The following FMN1 variants were observed in gnomAD, a reference collection of about 807,000 sequenced individuals.
The protein encoded by FMN1 is formin 1, also known as formin-1.
FMN1 carries 110 observed loss-of-function variants against 132.4 expected under a neutral mutation model. The ratio of observed to expected loss-of-function variants is 0.83; its 90% confidence interval spans 0.71 to 0.97. The LOEUF (loss-of-function observed/expected upper bound fraction) is 0.97. Among genes scored for constraint, FMN1 ranks in the 50% least tolerant of loss-of-function variants. The pLI is 0.00. For synonymous variants in FMN1, 722 were observed against 651.7 expected, an observed-to-expected ratio of 1.11 and a Z score of -1.64; for missense variants, 1,792 against 1,705.3, an observed-to-expected ratio of 1.05 and a Z score of -0.90.
At chr15:33,071,680 G>A (rs147546071) in intron 5 of FMN1, among the ~76,000 whole-genome samples, 115 of 152,206 alleles carry the variant, frequency 7.6e-4, no homozygotes, top group African/African-American at 2.7e-3. Flanking sequence ...CGAGTAACAG[G>A]AGCACGAGTA....
At chr15:32,990,970 G>T (rs936970856) in intron 7 of FMN1, among the ~76,000 whole-genome samples, 2 of 152,054 alleles carry the variant, frequency 1.3e-5, no homozygotes, top group African/African-American at 4.8e-5. Flanking sequence ...ACGGATTATG[G>T]GAACTGCAAT....
chr15:32,989,778 T>C lies in FMN1; in HGVS notation c.2223+18236A>G, dbSNP rs537990979. On this transcript the variant is annotated intron_variant, in intron 7 of 20. Coordinates refer to ENST00000616417, the MANE Select transcript of FMN1 (RefSeq NM_001277313.2). Reference sequence around the variant, plus strand: ...CAGGATGCCAAGCAGTGAGTATATATGAAACCACAGAGCCCAGATTAACAT... The same window carrying C: ...CAGGATGCCAAGCAGTGAGTATATACGAAACCACAGAGCCCAGATTAACAT... Among the ~76,000 whole-genome samples, 41 of 152,258 alleles carry C rather than the reference T, an allele frequency of 2.7e-4. No individual in the cohort carries two copies. The South Asian group carries it at 7.9e-3, about 29-fold the overall frequency.
intron 16 of FMN1, among the ~76,000 whole-genome samples, chr15:32,872,040 C>CTT (rs11311528): frequency 1.4e-5 from 2 of 140,934 alleles, no homozygotes; most frequent in Non-Finnish European, 1.5e-5. Flanking sequence ...GAAAGTAGCT[C>CTT]TTTTTTTTTT....
chr15:32,880,683 G>A (rs2059749666), intron 16 of FMN1, among the ~76,000 whole-genome samples: 1 of 152,124 alleles, frequency 6.6e-6, no homozygotes, highest in African/African-American at 2.4e-5. Context: ...CCTCATATTT[G>A]ACTAATAGTT....
chr15:33,154,488 G>A lies in FMN1; in HGVS notation c.427C>T (p.Leu143Phe). 6.5e-7 allele frequency: 1 copy of A among 1,535,912 alleles called. No individual in the cohort carries two copies. Among genetic ancestry groups the A allele is most frequent in the Non-Finnish European group, 8.7e-7 (1 of 1,146,896 alleles). The change falls in exon 4 of 21, where the codon CTC (leucine) becomes TTC (phenylalanine). Residue 143 changes from leucine (L) to phenylalanine (F), a missense_variant. By Grantham distance (22) the Leu-to-Phe change is conservative (BLOSUM62 0). Coordinates refer to ENST00000616417, the MANE Select transcript of FMN1 (RefSeq NM_001277313.2). The stretch of plus-strand genomic sequence containing the variant: ...CTCTTATTGAGAGGGCCCACGGGGA[G>A]CTCTCCCTGCCAGTCACCAGCACTC... ...FQSAGDWQGE[L>F]PVGPLNKRST...
rs1284908414 is a variant in FMN1, at chr15:33,194,010, GTGATGATGA to G, written c.-307_-299del. 6.6e-6 allele frequency: 1 copy of G among 151,744 alleles called. No individual in the cohort carries two copies. Among genetic ancestry groups the G allele is most frequent in the Non-Finnish European group, 1.5e-5 (1 of 67,986 alleles). 9.4% of individuals were successfully genotyped at this position (151,744 alleles called of 1,614,324 possible). On this transcript the variant is annotated 5_prime_UTR_variant, in exon 2 of 21. Coordinates refer to ENST00000616417, the MANE Select transcript of FMN1 (RefSeq NM_001277313.2). ...CTTGGAGGTGGTGGTAGTGGCAATG[GTGATGATGA>G]TGATGATGAAAGAAGAAGAAAACGG... is the stretch of plus-strand genomic sequence containing the variant.
At chr15:32,914,436 G>A (rs968739475) in intron 10 of FMN1, among the ~76,000 whole-genome samples, 1 of 152,078 alleles carries the variant, frequency 6.6e-6, no homozygotes, top group Non-Finnish European at 1.5e-5. Context: ...GTTCAATTTT[G>A]GTTTGAAGAG....
In FMN1 at chr15:32,971,006, C is replaced by T. The variant is rs567953660; in HGVS notation, c.2224-1529G>A. Among the ~76,000 whole-genome samples, 4 of 152,292 alleles carry T rather than the reference C, an allele frequency of 2.6e-5. No individual in the cohort carries two copies. In the East Asian group the frequency reaches 5.8e-4, roughly 22 times the overall value. On this transcript the variant is annotated intron_variant, in intron 7 of 20. Coordinates refer to ENST00000616417, the MANE Select transcript of FMN1 (RefSeq NM_001277313.2). ...CGTCTATTTCTCGTGCAGTGCAGAGCGCTGAGTGCCGAGTTTGGACTCACA... is the reference window on the plus strand; with the variant it reads ...CGTCTATTTCTCGTGCAGTGCAGAGTGCTGAGTGCCGAGTTTGGACTCACA...
intron 14 of FMN1, 49 bp downstream of exon 14, chr15:32,899,926 TAAAG>T (rs2060254928): frequency 3.2e-6 from 5 of 1,566,174 alleles, no homozygotes; most frequent in Non-Finnish European, 4.4e-6. Flanking sequence ...AAATTAAAGG[TAAAG>T]AAAGAAAATA....
chr15:33,069,681 A>C (rs189984032), intron 5 of FMN1, among the ~76,000 whole-genome samples: 2,846 of 146,010 alleles, frequency 0.019, 59 homozygotes, highest in South Asian at 0.093. Context: ...CGCTCACACA[A>C]ATAAAAACGC....
rs1595880194 is a variant in FMN1 at position 32,772,191 on chromosome 15, G to A, written c.*2119C>T. On this transcript the variant is annotated 3_prime_UTR_variant, in exon 21 of 21. Coordinates refer to ENST00000616417, the MANE Select transcript of FMN1 (RefSeq NM_001277313.2). ...TCTCACTCATTATTCTTCAGCACTG[G>A]TTCCTGAAGGGTTACGTGGCCACAG... is the stretch of plus-strand genomic sequence containing the variant. The A allele has an allele frequency of 6.6e-6, 1 of 152,168 alleles. No individual in the cohort carries two copies. Among genetic ancestry groups the A allele is most frequent in the Admixed American group, 6.6e-5 (1 of 15,264 alleles). 9.4% of individuals were successfully genotyped at this position (152,168 alleles called of 1,614,324 possible).
chr15:33,118,999 T>C (rs955419988), intron 4 of FMN1, among the ~76,000 whole-genome samples: 1 of 152,104 alleles, frequency 6.6e-6, no homozygotes, highest in Non-Finnish European at 1.5e-5. Flanking sequence ...GATGGTATAA[T>C]TTAAAAAATT....
chr15:32,985,368 C>CT (rs2140809576), intron 7 of FMN1, among the ~76,000 whole-genome samples: 1 of 152,230 alleles, frequency 6.6e-6, no homozygotes, highest in Non-Finnish European at 1.5e-5. Context: ...CTCCTTCCAT[C>CT]TTTTAAATAT....
At chr15:33,004,194 G>A (rs1336434216) in intron 7 of FMN1, among the ~76,000 whole-genome samples, 1 of 152,102 alleles carries the variant, frequency 6.6e-6, no homozygotes, top group African/African-American at 2.4e-5. Flanking sequence ...TTGACAAATG[G>A]GATCTAATTA....
chr15:33,161,087 C>G (rs1357141497), intron 3 of FMN1, among the ~76,000 whole-genome samples: 1 of 152,232 alleles, frequency 6.6e-6, no homozygotes, highest in African/African-American at 2.4e-5. Flanking sequence ...AAGGCCAATG[C>G]AAAGCTTTCT....
At chr15:33,117,410 G>A (rs1264851816) in intron 4 of FMN1, among the ~76,000 whole-genome samples, 1 of 152,046 alleles carries the variant, frequency 6.6e-6, no homozygotes, top group Admixed American at 6.5e-5. Flanking sequence ...AAATACACAG[G>A]GGCTGAGAGA....
intron 5 of FMN1, among the ~76,000 whole-genome samples, chr15:33,082,455 T>C (rs1264689061): frequency 1.3e-5 from 2 of 152,206 alleles, no homozygotes; most frequent in Non-Finnish European, 2.9e-5. Flanking sequence ...TTTCAGGCCA[T>C]ACCTCTTTTT....
chr15:32,915,773 C>T (rs2060670062), intron 10 of FMN1, among the ~76,000 whole-genome samples: 1 of 152,260 alleles, frequency 6.6e-6, no homozygotes, highest in Admixed American at 6.5e-5. Context: ...ACTGCAATAT[C>T]AATCACTGCT....
At chr15:32,790,148 A>T (rs76190391) in intron 19 of FMN1, among the ~76,000 whole-genome samples, 17,601 of 152,276 alleles carry the variant, frequency 0.12, 1,043 homozygotes, top group Middle Eastern at 0.16. Flanking sequence ...GAAGCACAGA[A>T]AAGAAGGCAG....
Sources: gnomAD v4.1 joint callset for allele counts (sites outside exome capture counted in the v4.1 genomes callset) on GRCh38, gnomAD v4.1.1 for gene constraint, MANE v1.5 for transcripts, NCBI Gene and HGNC (gene_info 2026-07-23, HGNC 2026-07-21) for gene names.